Variants in GLG1 observed in about 807,000 individuals in gnomAD.
GLG1 encodes Golgi apparatus protein 1.
GLG1 carries 38 observed loss-of-function variants against 160.5 expected under a neutral mutation model. The ratio of observed to expected loss-of-function variants is 0.24; its 90% CI spans 0.18 to 0.31. The LOEUF (loss-of-function observed/expected upper bound fraction) is 0.31. Among genes scored for constraint, GLG1 ranks in the 10% least tolerant of loss-of-function variants. The pLI, the probability that GLG1 is intolerant of heterozygous loss-of-function variation, is 1.00. For missense variants in GLG1, 1,373 were observed against 1,505.2 expected (o/e 0.91, Z 1.45); for synonymous variants, 644 against 543.4 (o/e 1.19, Z -2.57).
intron 4 of GLG1, among the ~76,000 whole-genome samples, chr16:74,497,270 CAA>C (rs1453657850): frequency 7.4e-6 from 1 of 134,768 alleles, no homozygotes; most frequent in African/African-American, 2.8e-5. Context: ...GCCTGGGCGA[CAA>C]GACAGAAACT....
intron 1 of GLG1, among the ~76,000 whole-genome samples, chr16:74,538,203 A>C (rs923436189): frequency 5.3e-5 from 8 of 150,244 alleles, no homozygotes; most frequent in African/African-American, 2.0e-4. Context: ...AGATGCCAAC[A>C]GTATCAGTGC....
chr16:74,455,789 G>A (rs1382117641), intron 25 of GLG1, among the ~76,000 whole-genome samples: 3 of 152,202 alleles, frequency 2.0e-5, no homozygotes, highest in African/African-American at 2.4e-5. Flanking sequence ...TGGGCAAGTC[G>A]TGACCTCTGA....
intron 1 of GLG1, among the ~76,000 whole-genome samples, chr16:74,551,117 C>G (rs2550818): frequency 6.6e-6 from 1 of 152,184 alleles, no homozygotes; most frequent in Non-Finnish European, 1.5e-5. Context: ...GCTGGTAATA[C>G]TAATCTCAGG....
chr16:74,544,202 A>G (rs981940943), intron 1 of GLG1, among the ~76,000 whole-genome samples: 1 of 152,246 alleles, frequency 6.6e-6, no homozygotes. Context: ...TTACTATACA[A>G]TCTATAGGTC....
At chr16:74,493,263 A>G (rs2016068908) in intron 6 of GLG1, 123 bp from the exon 7 acceptor site, 1 of 608,124 alleles carries the variant, frequency 1.6e-6, no homozygotes, top group African/African-American at 1.9e-5. Flanking sequence ...TATTACCAAC[A>G]TATCTATCTT....
intron 8 of GLG1, among the ~76,000 whole-genome samples, chr16:74,489,400 G>T (rs771092721): frequency 6.6e-6 from 1 of 151,956 alleles, no homozygotes; most frequent in Non-Finnish European, 1.5e-5. Flanking sequence ...GAACCCGGGA[G>T]GTGGATGCTG....
rs955461962 is a variant in GLG1, at chr16:74,495,271, G to T, written c.979-440C>A. Reference sequence around the variant, plus strand: ...TGGGATTACAGGCCCCCGCCACCCTGCCCAACTAATTTTTTTATTTTTAGT... The same window carrying T: ...TGGGATTACAGGCCCCCGCCACCCTTCCCAACTAATTTTTTTATTTTTAGT... On this transcript the variant is annotated intron_variant, in intron 5 of 25. Transcript: ENST00000422840. Among the ~76,000 whole-genome samples, 7 of 152,002 alleles carry T rather than the reference G, an allele frequency of 4.6e-5. No homozygotes were observed. In the East Asian group the frequency reaches 1.2e-3, roughly 25 times the overall value.
chr16:74,508,908 C>A lies in GLG1; in HGVS notation c.489G>T (p.Lys163Asn). The A allele has an allele frequency of 6.9e-7, 1 of 1,449,018 alleles. No homozygotes were observed. Among genetic ancestry groups the A allele is most frequent in the South Asian group, 1.1e-5 (1 of 87,578 alleles). The allele number at this position is 1,449,018 out of a possible 1,614,324, so 89.8% of individuals were successfully genotyped here. The change falls in exon 3 of 26, where the codon AAG becomes AAT. Residue 163 changes from lysine to asparagine, a missense_variant. Around this residue, in one of 4 missense-constraint regions of GLG1, gnomAD observed 322 missense variants for 254.6 expected, o/e 1.26. Transcript: ENST00000422840. ...ATTTGGGATCTGTAGTTAGGTTCAG[C>A]TTATAATTCCACAACAACTAGATAG... ...SDCNHLLWNY[K>N]LNLTTDPKFE...
At position 74,579,234 on chromosome 16, in the gene GLG1, C is replaced by T. The variant is rs561287259; in HGVS notation, c.438+27423G>A. Among the ~76,000 whole-genome samples, 8 of 152,200 alleles carry T rather than the reference C, an allele frequency of 5.3e-5. No individual in the cohort carries two copies. The East Asian group carries it at 1.2e-3, about 22-fold the overall frequency. Reference sequence around the variant, plus strand: ...AAACAGCCTGGGCAACATGGTGAGACCCCATCTCTACTAAAAACACAAAAA... The same window carrying T: ...AAACAGCCTGGGCAACATGGTGAGATCCCATCTCTACTAAAAACACAAAAA... On this transcript the variant is annotated intron_variant, in intron 1 of 25. Coordinates refer to ENST00000422840, the MANE Select transcript of GLG1 (RefSeq NM_001145667.2).
chr16:74,596,370 A>C (rs981899400), intron 1 of GLG1, among the ~76,000 whole-genome samples: 1 of 152,028 alleles, frequency 6.6e-6, no homozygotes, highest in Non-Finnish European at 1.5e-5. Context: ...CTCTACTAAA[A>C]ATACAAAAAT....
chr16:74,508,736 T>C (rs966721680), intron 3 of GLG1, 103 bp downstream of exon 3: 1 of 626,886 alleles, frequency 1.6e-6, no homozygotes, highest in African/African-American at 1.8e-5. Flanking sequence ...AGATGTGAAT[T>C]CTAAGAAAAG....
intron 2 of GLG1, among the ~76,000 whole-genome samples, chr16:74,525,764 C>G (rs1006544181): frequency 6.8e-6 from 1 of 147,796 alleles, no homozygotes; most frequent in African/African-American, 2.5e-5. Flanking sequence ...GACCCTTTAT[C>G]AGATATATGA....
intron 14 of GLG1, 87 bp from the exon 15 acceptor site, chr16:74,471,373 G>A: frequency 1.3e-6 from 1 of 775,302 alleles, no homozygotes; most frequent in Admixed American, 1.9e-5. Flanking sequence ...TGCAAGCAAG[G>A]TTAGTTCTAG....
chr16:74,542,034 G>A (rs905606205), intron 1 of GLG1, among the ~76,000 whole-genome samples: 13 of 143,928 alleles, frequency 9.0e-5, no homozygotes, highest in African/African-American at 3.4e-4. Flanking sequence ...CTATTTCAAA[G>A]GGGTGGTGGC....
At chr16:74,573,716 G>C (rs943359798) in intron 1 of GLG1, among the ~76,000 whole-genome samples, 4 of 150,606 alleles carry the variant, frequency 2.7e-5, no homozygotes, top group African/African-American at 9.8e-5. Flanking sequence ...TAGCCCTCCT[G>C]GGTTCAAGTG....
At chr16:74,475,091 G>C (rs908214942) in intron 12 of GLG1, among the ~76,000 whole-genome samples, 28 of 151,030 alleles carry the variant, frequency 1.9e-4, no homozygotes, top group Non-Finnish European at 3.8e-4. Flanking sequence ...CAGGAGGCGG[G>C]GGCTGCAGTA....
At chr16:74,508,080 G>C (rs1398562041) in intron 3 of GLG1, among the ~76,000 whole-genome samples, 1 of 152,004 alleles carries the variant, frequency 6.6e-6, no homozygotes, top group East Asian at 1.9e-4. Context: ...TCCCCATAAT[G>C]ACACAAGGAA....
At chr16:74,480,087 C>T (rs918781) in intron 11 of GLG1, among the ~76,000 whole-genome samples, 154 bp downstream of exon 11, 144,065 of 152,284 alleles carry the variant, frequency 0.95, 68,344 homozygotes, top group East Asian at 1. Flanking sequence ...AGTGCACTCA[C>T]GGAAGGAAGA....
chr16:74,532,682 G>A (rs1417347469), intron 1 of GLG1, among the ~76,000 whole-genome samples: 2 of 151,972 alleles, frequency 1.3e-5, no homozygotes, highest in Admixed American at 1.3e-4. Context: ...ATGTCACCAA[G>A]CCCAGCTAAT....
Sources: allele counts gnomAD v4.1 joint callset (sites outside exome capture counted in the v4.1 genomes callset), GRCh38; gene constraint gnomAD v4.1.1; regional missense constraint gnomAD v4.1.1; transcripts MANE v1.5; gene names NCBI Gene and HGNC (gene_info 2026-07-23, HGNC 2026-07-21).